The following NALCN variants were observed in gnomAD, a reference collection of about 807,000 sequenced individuals.
NALCN encodes the protein sodium leak channel NALCN.
A neutral mutation model predicts 225.3 loss-of-function variants in NALCN; 111 were observed. The ratio of observed to expected loss-of-function variants is 0.49; its 90% CI spans 0.42 to 0.58. The LOEUF is 0.58. Among genes scored for constraint, NALCN ranks in the 20% least tolerant of loss-of-function variants. The pLI, the probability that NALCN is intolerant of heterozygous loss-of-function variation, is 0.00. For missense variants in NALCN, 1,378 were observed against 2,202.4 expected (o/e 0.63, Z 7.49); for synonymous variants, 764 against 769.0 (o/e 0.99, Z 0.11).
chr13:101,137,298 T>TA lies in NALCN; in HGVS notation c.2118+5781dup, dbSNP rs1178594574. 1.6e-3 allele frequency among the ~76,000 whole-genome samples: 247 copies of TA among 150,674 alleles called. 1 individual carries two copies. The highest frequency in any genetic ancestry group is 5.1e-3 in the African/African-American group (209 of 41,112). Reference sequence around the variant, plus strand: ...ACTGCAGAGAAGCTAAGCCATTATTTAAAAAAAAAATTCTTTCAAAAGACC... The same window carrying TA: ...ACTGCAGAGAAGCTAAGCCATTATTTAAAAAAAAAAATTCTTTCAAAAGACC... On this transcript the variant is annotated intron_variant, in intron 17 of 43. Coordinates refer to ENST00000251127, the MANE Select transcript of NALCN (RefSeq NM_052867.4).
At chr13:101,079,482 C>T (rs2033481013) in intron 34 of NALCN, among the ~76,000 whole-genome samples, 1 of 152,180 alleles carries the variant, frequency 6.6e-6, no homozygotes, top group Non-Finnish European at 1.5e-5. Flanking sequence ...TCCCCTTATC[C>T]TACAGATGGA....
chr13:101,191,416 T>C (rs1164419446), intron 14 of NALCN, among the ~76,000 whole-genome samples: 1 of 152,180 alleles, frequency 6.6e-6, no homozygotes, highest in East Asian at 1.9e-4. Context: ...ATGTGTTTTA[T>C]TTTTTTCCAT....
At chr13:101,188,643 TAC>T (rs149653525) in intron 14 of NALCN, among the ~76,000 whole-genome samples, 1,532 of 148,292 alleles carry the variant, frequency 0.01, 18 homozygotes, top group Middle Eastern at 0.04. Context: ...TACACATATA[TAC>T]ACACACACAC....
At chr13:101,074,776 G>A in intron 35 of NALCN, 114 bp from the exon 36 acceptor site, 1 of 1,251,648 alleles carries the variant, frequency 8.0e-7, no homozygotes. Context: ...GAAGACCTGG[G>A]TAGCAACTAA....
intron 13 of NALCN, among the ~76,000 whole-genome samples, chr13:101,201,380 T>TA (rs1200852434): frequency 1.3e-5 from 2 of 152,198 alleles, no homozygotes; most frequent in African/African-American, 2.4e-5. Context: ...CAAAGACATC[T>TA]ACTTTCTGTC....
At chr13:101,290,803 CAG>C (rs1432852210) in intron 9 of NALCN, among the ~76,000 whole-genome samples, 1 of 152,152 alleles carries the variant, frequency 6.6e-6, no homozygotes, top group African/African-American at 2.4e-5. Context: ...TTTGTCTTAA[CAG>C]TATTTGTAAG....
chr13:101,224,852 A>G (rs1377010090), intron 13 of NALCN, among the ~76,000 whole-genome samples: 1 of 152,156 alleles, frequency 6.6e-6, no homozygotes, highest in Non-Finnish European at 1.5e-5. Flanking sequence ...TTTGCTTTTC[A>G]GCCTCGGAGG....
At chr13:101,341,277 C>T (rs76443255) in intron 7 of NALCN, among the ~76,000 whole-genome samples, 4,776 of 152,210 alleles carry the variant, frequency 0.031, 254 homozygotes, top group African/African-American at 0.11. Flanking sequence ...CTCTATGTTC[C>T]TGCCTCTTCA....
At chr13:101,220,738 C>T (rs751236116) in intron 13 of NALCN, among the ~76,000 whole-genome samples, 1 of 152,024 alleles carries the variant, frequency 6.6e-6, no homozygotes, top group Non-Finnish European at 1.5e-5. Flanking sequence ...ACTATTATAG[C>T]TGGAAAATAG....
intron 7 of NALCN, among the ~76,000 whole-genome samples, chr13:101,324,865 G>C (rs501716): frequency 0.33 from 50,252 of 152,014 alleles, 8,746 homozygotes; most frequent in Non-Finnish European, 0.4. Flanking sequence ...GTTTTCAAAG[G>C]GAATGCTTCC....
chr13:101,140,987 T>C (rs2037050629), intron 17 of NALCN, among the ~76,000 whole-genome samples: 1 of 152,052 alleles, frequency 6.6e-6, no homozygotes, highest in Non-Finnish European at 1.5e-5. Context: ...CAGCTAAGGG[T>C]AATATGCAAG....
At chr13:101,232,450 C>CTTTTTT (rs11400612) in intron 12 of NALCN, among the ~76,000 whole-genome samples, 4 of 142,628 alleles carry the variant, frequency 2.8e-5, no homozygotes, top group East Asian at 2.0e-4. Flanking sequence ...CTTTTCTTTT[C>CTTTTTT]TTTTTTTTTT....
At chr13:101,117,496 C>T (rs1393921695) in intron 18 of NALCN, among the ~76,000 whole-genome samples, 1 of 152,170 alleles carries the variant, frequency 6.6e-6, no homozygotes, top group Non-Finnish European at 1.5e-5. Context: ...ATATGTATTC[C>T]ATTTTTCTTT....
At chr13:101,394,903 T>C (rs1208778372) in intron 3 of NALCN, among the ~76,000 whole-genome samples, 1 of 152,200 alleles carries the variant, frequency 6.6e-6, no homozygotes. Flanking sequence ...GTGGCATGAA[T>C]AACCCTACTC....
chr13:101,173,973 C>A (rs1051653359), intron 15 of NALCN, among the ~76,000 whole-genome samples: 7 of 152,048 alleles, frequency 4.6e-5, no homozygotes, highest in African/African-American at 1.2e-4. Flanking sequence ...ATGAGCCCTA[C>A]CTTAAAGGCC....
intron 15 of NALCN, among the ~76,000 whole-genome samples, chr13:101,165,335 A>G (rs2038386268): frequency 6.6e-6 from 1 of 152,178 alleles, no homozygotes; most frequent in Admixed American, 6.5e-5. Flanking sequence ...CCAGCTCTGT[A>G]TCATCGAAGG....
chr13:101,135,827 G>GT (rs2036757549), intron 17 of NALCN, among the ~76,000 whole-genome samples: 1 of 152,178 alleles, frequency 6.6e-6, no homozygotes, highest in African/African-American at 2.4e-5. Context: ...AGAGGAAAAA[G>GT]TTTAAAAAGA....
chr13:101,373,342 A>G (rs1194052747), intron 6 of NALCN, among the ~76,000 whole-genome samples: 1 of 152,164 alleles, frequency 6.6e-6, no homozygotes, highest in Middle Eastern at 3.2e-3. Context: ...AGACCCGGTA[A>G]AGATATTTCA....
chr13:101,306,923 C>A (rs1445984981), intron 7 of NALCN, among the ~76,000 whole-genome samples: 2 of 152,138 alleles, frequency 1.3e-5, no homozygotes, highest in African/African-American at 2.4e-5. Flanking sequence ...ACTCTGAGAA[C>A]CCAGGCTCCT....
Sources: allele counts gnomAD v4.1 joint callset (sites outside exome capture counted in the v4.1 genomes callset), GRCh38; gene constraint gnomAD v4.1.1; transcripts MANE v1.5; gene names NCBI Gene and HGNC (gene_info 2026-07-23, HGNC 2026-07-21).